Variants in RUFY3 observed in about 807,000 individuals in gnomAD.
RUFY3 encodes protein RUFY3.
Under a neutral mutation model 84.0 loss-of-function variants are expected in RUFY3, and 34 were observed. The observed-to-expected ratio is 0.40, with a 90% CI of 0.31 to 0.54. The LOEUF (loss-of-function observed/expected upper bound fraction) is 0.54, where lower values mean the gene tolerates loss of function less well. Among genes scored for constraint, RUFY3 ranks in the 20% least tolerant of loss-of-function variants. The pLI is 0.39. For synonymous variants in RUFY3, 242 were observed against 252.9 expected, an observed-to-expected ratio of 0.96 and a Z score of 0.41; for missense variants, 507 against 736.8, an observed-to-expected ratio of 0.69 and a Z score of 3.61.
At chr4:70,757,534 G>A (rs558609378) in intron 1 of RUFY3, among the ~76,000 whole-genome samples, 38 of 151,700 alleles carry the variant, frequency 2.5e-4, no homozygotes, top group African/African-American at 8.7e-4. Flanking sequence ...AACCCAGGAA[G>A]ACGAGGTTGC....
intron 7 of RUFY3, among the ~76,000 whole-genome samples, chr4:70,777,113 T>A (rs1255603382): frequency 6.6e-6 from 1 of 152,206 alleles, no homozygotes; most frequent in Non-Finnish European, 1.5e-5. Context: ...CTTATTTACA[T>A]GTAAGAAAAA....
intron 12 of RUFY3, chr4:70,791,942 A>G (rs1343103651): frequency 3.0e-6 from 3 of 984,080 alleles, no homozygotes; most frequent in East Asian, 1.1e-4. Flanking sequence ...CAGCATCCTT[A>G]TATTTCTTTA....
At chr4:70,704,974 A>G in exon 1 of RUFY3, 1 of 1,227,790 alleles carries the variant, frequency 8.1e-7, no homozygotes, top group Non-Finnish European at 1.0e-6. Flanking sequence ...GCTGGTGCCG[A>G]AAGTTGCAGC....
At position 70,794,648 on chromosome 4, in the gene RUFY3, A is replaced by T. The variant is rs1578245759; in HGVS notation, c.1458-147A>T. 5.5e-5 allele frequency: 36 copies of T among 653,566 alleles called. 1 individual carries two copies. The South Asian group carries it at 6.3e-4, about 11-fold the overall frequency. The allele number at this position is 653,566 out of a possible 1,614,324, so 40.5% of individuals were successfully genotyped here. ...CACAGTTAAGCTTAGAAGTAGCAAC[A>T]TTATCATTTAAAAACCTGTCTCTCT... On this transcript the variant is annotated intron_variant, in intron 13 of 17. Transcript: ENST00000381006.
chr4:70,793,617 A>T, intron 12 of RUFY3, 168 bp from the exon 13 acceptor site: 4 of 1,485,216 alleles, frequency 2.7e-6, no homozygotes, highest in Non-Finnish European at 3.6e-6. Flanking sequence ...TTTCTTCTCC[A>T]TCTTTTCCCC....
chr4:70,795,421 T>C lies in RUFY3; in HGVS notation c.1557+527T>C, dbSNP rs1578247928. Reference sequence around the variant, plus strand: ...GGTAATACAGAATAAAGAGCAAAAGTAGAAATTTCTACATAATAATCTTAG... The same window carrying C: ...GGTAATACAGAATAAAGAGCAAAAGCAGAAATTTCTACATAATAATCTTAG... On this transcript the variant is annotated intron_variant, in intron 14 of 17. Coordinates refer to ENST00000381006, the MANE Select transcript of RUFY3 (RefSeq NM_001037442.4). Among the ~76,000 whole-genome samples the C allele has an allele frequency of 5.9e-5, 9 of 152,204 alleles. No homozygotes were observed. In the South Asian group the frequency reaches 1.7e-3, roughly 28 times the overall value.
chr4:70,778,689 C>T (rs1206183021), intron 8 of RUFY3, among the ~76,000 whole-genome samples: 1 of 150,206 alleles, frequency 6.7e-6, no homozygotes, highest in Non-Finnish European at 1.5e-5. Context: ...AAGCGATGCT[C>T]CTGCCTCAGC....
chr4:70,751,360 G>GC (rs1723106602), intron 1 of RUFY3, among the ~76,000 whole-genome samples: 1 of 152,178 alleles, frequency 6.6e-6, no homozygotes, highest in South Asian at 2.1e-4. Context: ...TGCCAAAGCA[G>GC]CTGGACCATT....
intron 1 of RUFY3, among the ~76,000 whole-genome samples, chr4:70,735,374 G>C (rs1720103111): frequency 1.3e-5 from 2 of 152,136 alleles, no homozygotes; most frequent in Non-Finnish European, 2.9e-5. Context: ...GCAATTTTTG[G>C]TATTTGAGCT....
At chr4:70,772,237 GATTATTTCCAGCACCTCCA>G (rs1423316727) in intron 5 of RUFY3, among the ~76,000 whole-genome samples, 2 of 152,020 alleles carry the variant, frequency 1.3e-5, no homozygotes, top group Non-Finnish European at 2.9e-5. Context: ...GTCCAAAGGA[GATTATTTCCAGCACCTCCA>G]TGAATACCAA....
intron 16 of RUFY3, among the ~76,000 whole-genome samples, chr4:70,803,546 C>T (rs765163499): frequency 2.0e-5 from 3 of 151,810 alleles, no homozygotes; most frequent in Non-Finnish European, 2.9e-5. Flanking sequence ...CTCAACTTCC[C>T]GAGCTTAGGC....
chr4:70,787,187 A>AAT (rs1202870337), intron 10 of RUFY3, among the ~76,000 whole-genome samples: 1,673 of 81,320 alleles, frequency 0.021, 19 homozygotes, highest in Non-Finnish European at 0.023. Flanking sequence ...AAAAAAAAAA[A>AAT]ATATATATAT....
At chr4:70,778,112 AG>A (rs1229833626) in intron 7 of RUFY3, among the ~76,000 whole-genome samples, 1 of 152,164 alleles carries the variant, frequency 6.6e-6, no homozygotes, top group Non-Finnish European at 1.5e-5. Context: ...GCATGTCTGT[AG>A]TCTCCAGCTA....
intron 1 of RUFY3, among the ~76,000 whole-genome samples, chr4:70,716,068 C>T (rs558192410): frequency 1.4e-4 from 21 of 151,918 alleles, no homozygotes; most frequent in Admixed American, 6.5e-4. Context: ...GAGCCGAGAT[C>T]GTGCCACTGC....
intron 1 of RUFY3, among the ~76,000 whole-genome samples, chr4:70,742,367 T>C (rs1296886694): frequency 3.9e-5 from 6 of 152,188 alleles, no homozygotes; most frequent in Admixed American, 2.0e-4. Context: ...ATTTTACATG[T>C]TCCCGCTTTG....
At position 70,773,506 on chromosome 4, in the gene RUFY3, TG is replaced by T. The variant is rs750620867; in HGVS notation, c.697-4del. 1.6e-5 allele frequency: 25 copies of T among 1,604,556 alleles called. 1 individual carries two copies. In the South Asian group the frequency reaches 2.8e-4, roughly 18 times the overall value. ...TATATTAAAACCTGAAAATTCTCTC[TG>T]TAGGTTGGAGTTATAGATTTTTCAA... On this transcript the variant is annotated splice_polypyrimidine_tract_variant and splice_region_variant and intron_variant, in intron 5 of 17. Coordinates refer to ENST00000381006, the MANE Select transcript of RUFY3 (RefSeq NM_001037442.4).
chr4:70,768,913 CAT>C (rs922902927), intron 5 of RUFY3, among the ~76,000 whole-genome samples: 4 of 152,148 alleles, frequency 2.6e-5, no homozygotes, highest in African/African-American at 9.7e-5. Flanking sequence ...CACACACACA[CAT>C]ACACATTTAC....
chr4:70,783,893 G>C (rs183446242), intron 9 of RUFY3, among the ~76,000 whole-genome samples: 37 of 152,034 alleles, frequency 2.4e-4, no homozygotes, highest in Admixed American at 1.2e-3. Context: ...TTTTACTGAT[G>C]CTCGGTGTTA....
intron 8 of RUFY3, among the ~76,000 whole-genome samples, chr4:70,782,265 A>C (rs530882032): frequency 6.6e-6 from 1 of 151,782 alleles, no homozygotes; most frequent in South Asian, 2.1e-4. Flanking sequence ...TTCATATAAA[A>C]GTAGCAGTAA....
Sources: gnomAD v4.1 joint callset for allele counts (sites outside exome capture counted in the v4.1 genomes callset) on GRCh38, gnomAD v4.1.1 for gene constraint, MANE v1.5 for transcripts, NCBI Gene and HGNC (gene_info 2026-07-23, HGNC 2026-07-21) for gene names.